Variants in COL23A1 observed in about 807,000 individuals in gnomAD.
COL23A1 encodes collagen type XXIII alpha 1 chain, also known as collagen alpha-1(XXIII) chain.
In COL23A1, 97 loss-of-function variants were observed where a neutral mutation model predicts 99.3. That is an observed-to-expected ratio of 0.98 (90% CI 0.83 to 1.16). COL23A1 has a LOEUF of 1.16. Among genes scored for constraint, COL23A1 ranks in the 50% most tolerant of loss-of-function variants. COL23A1 has a pLI of 0.00. For synonymous variants in COL23A1, 320 were observed against 308.2 expected (o/e 1.04, Z -0.40); for missense variants, 762 against 757.4 (o/e 1.01, Z -0.07).
At position 178,559,789 on chromosome 5, in the gene COL23A1, C is replaced by G. The variant is rs529776797; in HGVS notation, c.361+893G>C. Among the ~76,000 whole-genome samples, 3 of 135,658 alleles carry G rather than the reference C, an allele frequency of 2.2e-5. No homozygotes were observed. In the South Asian group the frequency reaches 7.3e-4, roughly 33 times the overall value. 89.0% of individuals were successfully genotyped at this position (135,658 alleles called of 152,430 possible). On this transcript the variant is annotated intron_variant, in intron 2 of 28. Coordinates refer to ENST00000390654, the MANE Select transcript of COL23A1 (RefSeq NM_173465.4). ...CCAAAAGAGACCTTTCCCTGCACAT[C>G]GAGAAGTCTGAGACACATCACCCAA... is the stretch of plus-strand genomic sequence containing the variant.
chr5:178,242,487 C>A (rs545995160), intron 25 of COL23A1, 93 bp from the exon 26 acceptor site: 2 of 1,251,780 alleles, frequency 1.6e-6, no homozygotes, highest in Non-Finnish European at 2.3e-6. Flanking sequence ...CATCCACACG[C>A]CCACTTTCCC....
chr5:178,563,966 A>T (rs1299157689), intron 1 of COL23A1, among the ~76,000 whole-genome samples: 1 of 152,248 alleles, frequency 6.6e-6, no homozygotes. Flanking sequence ...TATCAGTGCT[A>T]GACAGGACAG....
intron 2 of COL23A1, among the ~76,000 whole-genome samples, chr5:178,371,490 T>C (rs1408699726): frequency 6.6e-6 from 1 of 151,994 alleles, no homozygotes; most frequent in Non-Finnish European, 1.5e-5. Context: ...CACCTCAAAG[T>C]CGCCCCTACA....
intron 2 of COL23A1, among the ~76,000 whole-genome samples, chr5:178,403,098 G>A (rs1283617900): frequency 1.2e-5 from 1 of 83,752 alleles, no homozygotes; most frequent in Non-Finnish European, 2.2e-5. Context: ...AACAGAGAGA[G>A]ACTCCATCTC....
intron 2 of COL23A1, among the ~76,000 whole-genome samples, chr5:178,478,158 C>G (rs970030472): frequency 1.3e-5 from 2 of 152,234 alleles, no homozygotes; most frequent in African/African-American, 4.8e-5. Flanking sequence ...CTGAACCTCA[C>G]TGGAGCATTA....
At chr5:178,511,751 T>C (rs1344117507) in intron 2 of COL23A1, among the ~76,000 whole-genome samples, 2 of 152,174 alleles carry the variant, frequency 1.3e-5, no homozygotes, top group African/African-American at 4.8e-5. Context: ...GCCTCCTCCC[T>C]GAGACCATTC....
At chr5:178,570,323 G>T (rs1763029908) in intron 1 of COL23A1, among the ~76,000 whole-genome samples, 3 of 152,018 alleles carry the variant, frequency 2.0e-5, no homozygotes, top group African/African-American at 7.3e-5. Context: ...TGCCCAAAAT[G>T]ATCTCAAACT....
chr5:178,245,876 C>T lies in COL23A1; in HGVS notation c.1440+66G>A, dbSNP rs111415540. ...ACACTTGAGTAGCCAGATCAGGTTA[C>T]TGCATGAGGGCAGAAGATACACACA... is the stretch of plus-strand genomic sequence containing the variant. On this transcript the variant is annotated intron_variant, in intron 25 of 28. Transcript: ENST00000390654. The T allele has an allele frequency of 8.2e-5, 128 of 1,570,172 alleles. 5 individuals are homozygous for T. In the African/African-American group the frequency reaches 1.1e-3, roughly 13 times the overall value.
In COL23A1 at chr5:178,242,076, G is replaced by A. The variant is rs1442946243; in HGVS notation, c.1547C>T (p.Pro516Leu). ...RKGVKGQKGEPGPPGLDQPCP... is the reference protein window; with the variant it reads ...RKGVKGQKGELGPPGLDQPCP... ...CGGCTGGTCCAGGCCTGGTGGTCCC[G>A]GCTCGCCCTTCTGGCCCTTCACTCC... The change falls in exon 27 of 29, where the codon CCG (proline) becomes CTG (leucine). Residue 516 changes from proline (P) to leucine (L), a missense_variant. Transcript: ENST00000390654. The A allele has an allele frequency of 5.8e-6, 9 of 1,553,942 alleles. No individual in the cohort carries two copies. Among genetic ancestry groups the A allele is most frequent in the Non-Finnish European group, 4.4e-6 (5 of 1,148,376 alleles).
At position 178,578,468 on chromosome 5, in the gene COL23A1, A is replaced by G. The variant is rs1763505521; in HGVS notation, c.294+11436T>C. Among the ~76,000 whole-genome samples, 4 of 152,242 alleles carry G rather than the reference A, an allele frequency of 2.6e-5. No homozygotes were observed. The South Asian group carries it at 8.3e-4, about 31-fold the overall frequency. Reference sequence around the variant, plus strand: ...ACGCAAAAAGGCGCAGTTAAAGCACAGTCAAATCAATGAGCAGATCCGGCA... The same window carrying G: ...ACGCAAAAAGGCGCAGTTAAAGCACGGTCAAATCAATGAGCAGATCCGGCA... On this transcript the variant is annotated intron_variant, in intron 1 of 28. Coordinates refer to ENST00000390654, the MANE Select transcript of COL23A1 (RefSeq NM_173465.4).
intron 2 of COL23A1, among the ~76,000 whole-genome samples, chr5:178,353,840 A>G (rs1761467539): frequency 6.6e-6 from 1 of 152,100 alleles, no homozygotes; most frequent in African/African-American, 2.4e-5. Context: ...CAGCCATTCA[A>G]AAAAAACTAG....
At chr5:178,571,456 G>A (rs1192432856) in intron 1 of COL23A1, among the ~76,000 whole-genome samples, 2 of 152,116 alleles carry the variant, frequency 1.3e-5, no homozygotes, top group Non-Finnish European at 2.9e-5. Context: ...TAACCCTAGG[G>A]CCTAGGTGAA....
Position 178,428,755 on chromosome 5 carries a change from T to C in COL23A1, c.362-121836A>G, listed in dbSNP as rs1766087708. Among the ~76,000 whole-genome samples the C allele has an allele frequency of 6.6e-6, 1 of 152,192 alleles. No individual in the cohort carries two copies. The highest frequency in any genetic ancestry group is 6.5e-5 in the Admixed American group (1 of 15,282). On this transcript the variant is annotated intron_variant, in intron 2 of 28. Coordinates refer to ENST00000390654, the MANE Select transcript of COL23A1 (RefSeq NM_173465.4). This position sits in a 1 kb window ranked among gnomAD's most constrained non-coding sequence, Gnocchi z 5.0. ...TGTGATCATTCATTTCAGGGCCTCA[T>C]TTTGTTCCTGAACTGGGCTCAGTGT... is the stretch of plus-strand genomic sequence containing the variant.
intron 2 of COL23A1, among the ~76,000 whole-genome samples, chr5:178,403,471 T>C (rs1290299937): frequency 6.6e-6 from 1 of 152,202 alleles, no homozygotes; most frequent in East Asian, 1.9e-4. Context: ...GAAGGTGGGA[T>C]TGTTCTTCCT....
At chr5:178,462,386 T>C (rs774095844) in intron 2 of COL23A1, among the ~76,000 whole-genome samples, 5 of 152,236 alleles carry the variant, frequency 3.3e-5, no homozygotes, top group Non-Finnish European at 7.3e-5. Flanking sequence ...TCCTTTTATC[T>C]TTGCATTTGA....
At chr5:178,450,155 C>G (rs184359203) in intron 2 of COL23A1, among the ~76,000 whole-genome samples, 2 of 152,298 alleles carry the variant, frequency 1.3e-5, no homozygotes, top group East Asian at 3.9e-4. Context: ...CTGAGCCCTC[C>G]CATCCAGCAA....
At chr5:178,456,307 A>G (rs1767789589) in intron 2 of COL23A1, among the ~76,000 whole-genome samples, 1 of 152,246 alleles carries the variant, frequency 6.6e-6, no homozygotes, top group African/African-American at 2.4e-5. Flanking sequence ...ATAAAAATGG[A>G]AAAAATAAAT....
chr5:178,585,260 C>A (rs570171699), intron 1 of COL23A1, among the ~76,000 whole-genome samples: 2 of 152,268 alleles, frequency 1.3e-5, no homozygotes, highest in South Asian at 2.1e-4. Context: ...GGGGTGACAA[C>A]AGAAACATTC....
At chr5:178,330,066 G>A (rs934135442) in intron 2 of COL23A1, among the ~76,000 whole-genome samples, 4 of 152,176 alleles carry the variant, frequency 2.6e-5, no homozygotes, top group African/African-American at 2.4e-5. Flanking sequence ...CCTGGGTAGC[G>A]TCCTCTGGCT....
Sources: gnomAD v4.1 joint callset for allele counts (sites outside exome capture counted in the v4.1 genomes callset) on GRCh38, gnomAD v4.1.1 for gene constraint, Gnocchi (gnomAD v3.1) non-coding constraint, MANE v1.5 for transcripts, NCBI Gene and HGNC (gene_info 2026-07-23, HGNC 2026-07-21) for gene names.